COL4A3: variants seen among roughly 807,000 people sequenced by gnomAD.
COL4A3 encodes the protein collagen alpha-3(IV) chain.
Under a neutral mutation model 217.4 loss-of-function variants are expected in COL4A3, and 135 were observed. That is an observed-to-expected ratio of 0.62 (90% CI 0.54 to 0.72). COL4A3 has a LOEUF of 0.72. COL4A3 is among the 30% of genes least tolerant of loss of function. The pLI, the probability that COL4A3 is intolerant of heterozygous loss-of-function variation, is 0.00. For missense variants in COL4A3, 1,868 were observed against 2,119.9 expected, an observed-to-expected ratio of 0.88 and a Z score of 2.33; for synonymous variants, 690 against 736.3, an observed-to-expected ratio of 0.94 and a Z score of 1.02.
chr2:227,284,182 G>T (rs762631750), intron 33 of COL4A3, 29 bp from the exon 34 acceptor site: 4 of 1,613,832 alleles, frequency 2.5e-6, no homozygotes, highest in South Asian at 1.1e-5. Flanking sequence ...AAGAATTAAG[G>T]ACCTGATGTT....
Position 227,253,747 on chromosome 2 carries a change from C to A in COL4A3, c.765+109C>A. 1 of 972,092 alleles carries A rather than the reference C, an allele frequency of 1.0e-6. No homozygotes were observed. Among genetic ancestry groups the A allele is most frequent in the Non-Finnish European group, 1.7e-6 (1 of 597,436 alleles). The allele number at this position is 972,092 out of a possible 1,614,324, so 60.2% of individuals were successfully genotyped here. A position where few individuals can be genotyped will look rare whatever the true frequency, so the allele number is the denominator to read the frequency against. On this transcript the variant is annotated intron_variant, in intron 13 of 51. Transcript: ENST00000396578. The surrounding 1 kb of genome is among the most constrained non-coding windows in gnomAD (Gnocchi z 4.4). The stretch of plus-strand genomic sequence containing the variant: ...TCTTGTTATCTAAGTCCAGCTCAGC[C>A]CAGCTCCCTCAGCCAGCCAGAACCT...
intron 37 of COL4A3, among the ~76,000 whole-genome samples, chr2:227,291,517 C>A (rs1363545563): frequency 1.6e-5 from 2 of 129,006 alleles, no homozygotes; most frequent in Non-Finnish European, 3.1e-5. Flanking sequence ...GAGCCGAGAT[C>A]GCGCCACTGC....
intron 27 of COL4A3, 120 bp from the exon 28 acceptor site, chr2:227,277,322 GAAAAAAA>G: frequency 7.3e-6 from 4 of 546,738 alleles, no homozygotes; most frequent in Non-Finnish European, 9.6e-6. Context: ...CCATCAACAG[GAAAAAAA>G]AAAAAAAAAA....
chr2:227,225,367 TTC>T (rs1427696049), intron 1 of COL4A3, among the ~76,000 whole-genome samples: 1 of 152,206 alleles, frequency 6.6e-6, no homozygotes, highest in Non-Finnish European at 1.5e-5. Context: ...GGTGGCAGCT[TTC>T]TGTCTTTTTT....
At chr2:227,252,132 G>A (rs2069789345) in intron 11 of COL4A3, among the ~76,000 whole-genome samples, 1 of 149,166 alleles carries the variant, frequency 6.7e-6, no homozygotes, top group Admixed American at 6.7e-5. Flanking sequence ...AATGTTGAGT[G>A]AGGCTGAGCC....
In COL4A3 at chr2:227,201,762, C is replaced by T. The variant is rs114088932; in HGVS notation, c.88-36206C>T. Among the ~76,000 whole-genome samples the T allele has an allele frequency of 3.9e-3, 593 of 152,268 alleles. 2 individuals are homozygous for T. Among genetic ancestry groups the T allele is most frequent in the Non-Finnish European group, 6.5e-3 (442 of 68,030 alleles). ...CATCTATGGGACTCAAGCATTGCAA[C>T]TGTATGTGTTTCTCCTATTGAAATT... On this transcript the variant is annotated intron_variant, in intron 1 of 51. Coordinates refer to ENST00000396578, the MANE Select transcript of COL4A3 (RefSeq NM_000091.5).
Position 227,263,850 on chromosome 2 carries a change from C to A in COL4A3, c.1221C>A (p.Gly407=). 6.2e-7 allele frequency: 1 copy of A among 1,614,134 alleles called. No homozygotes were observed. Among genetic ancestry groups the A allele is most frequent in the Non-Finnish European group, 8.5e-7 (1 of 1,179,986 alleles). Residue 407 remains glycine (G), a synonymous_variant, in exon 21 of 52, where the codon GGC becomes GGA. Coordinates refer to ENST00000396578, the MANE Select transcript of COL4A3 (RefSeq NM_000091.5). The stretch of plus-strand genomic sequence containing the variant: ...TGAAAGGAAGTAAAGGGGAACGAGG[C>A]CGCCCAGGAAAGGATGCCATGGGGA... ...PGLKGSKGER[G]RPGKDAMGTP...
chr2:227,186,831 C>T (rs1052715825), intron 1 of COL4A3, among the ~76,000 whole-genome samples: 4 of 152,152 alleles, frequency 2.6e-5, no homozygotes, highest in Non-Finnish European at 4.4e-5. Flanking sequence ...ACATTTATTT[C>T]TCACAATTCT....
chr2:227,265,623 T>A (rs1172771846), intron 21 of COL4A3, among the ~76,000 whole-genome samples: 2 of 152,306 alleles, frequency 1.3e-5, no homozygotes, highest in East Asian at 3.9e-4. Context: ...AGAAAACAGA[T>A]GATACCCTGA....
rs201031218 is a variant in COL4A3, at chr2:227,191,284, AT to A, written c.87+26481del. ...TCCTCGTACACATTCCCAGAAATGG[AT>A]TTTTTTTTTGTAAAGGACGCAAAAG... is the stretch of plus-strand genomic sequence containing the variant. On this transcript the variant is annotated intron_variant, in intron 1 of 51. Coordinates refer to ENST00000396578, the MANE Select transcript of COL4A3 (RefSeq NM_000091.5). The surrounding 1 kb of genome is among the most constrained non-coding windows in gnomAD (Gnocchi z 6.8). Among the ~76,000 whole-genome samples, 10 of 150,126 alleles carry A rather than the reference AT, an allele frequency of 6.7e-5. No individual in the cohort carries two copies. Among genetic ancestry groups the A allele is most frequent in the African/African-American group, 1.5e-4 (6 of 41,036 alleles).
chr2:227,292,688 T>C (rs2072815296), intron 37 of COL4A3, among the ~76,000 whole-genome samples: 1 of 152,236 alleles, frequency 6.6e-6, no homozygotes, highest in Admixed American at 6.5e-5. Context: ...ATGCATAGCA[T>C]TTGTAGGATA....
At chr2:227,247,431 C>T in intron 7 of COL4A3, 127 bp from the exon 8 acceptor site, 3 of 862,394 alleles carry the variant, frequency 3.5e-6, no homozygotes, top group Non-Finnish European at 6.0e-6. Context: ...GAAGACTTTG[C>T]TTTGTAAGGC....
intron 26 of COL4A3, among the ~76,000 whole-genome samples, chr2:227,273,788 G>T (rs1362026974): frequency 1.3e-5 from 2 of 152,140 alleles, no homozygotes; most frequent in Non-Finnish European, 2.9e-5. Context: ...ACAAATGAAG[G>T]AAAATGGTCT....
Position 227,266,983 on chromosome 2 carries a change from C to G in COL4A3, c.1409-10C>G, listed in dbSNP as rs767646514. On this transcript the variant is annotated splice_polypyrimidine_tract_variant and intron_variant, in intron 22 of 51. Coordinates refer to ENST00000396578, the MANE Select transcript of COL4A3 (RefSeq NM_000091.5). ...GCTTTTTAAGTAATGCTAGTATGCT[C>G]TCATTGCAGGAGAACCAGGCCTCCT... 6.3e-7 allele frequency: 1 copy of G among 1,596,852 alleles called. No homozygotes were observed. The highest frequency in any genetic ancestry group is 1.1e-5 in the South Asian group (1 of 90,694).
intron 43 of COL4A3, among the ~76,000 whole-genome samples, chr2:227,302,664 G>A (rs1162711001): frequency 4.3e-5 from 3 of 70,276 alleles, no homozygotes; most frequent in African/African-American, 2.1e-4. Context: ...AGGACAAAAC[G>A]AGACTCTTTC....
chr2:227,249,234 T>A (rs866312147), intron 9 of COL4A3, among the ~76,000 whole-genome samples: 37 of 25,770 alleles, frequency 1.4e-3, no homozygotes, highest in South Asian at 4.3e-3. Flanking sequence ...ATATATATTT[T>A]TTTTTTTTTT....
chr2:227,219,232 C>T (rs2067660087), intron 1 of COL4A3, among the ~76,000 whole-genome samples: 2 of 152,106 alleles, frequency 1.3e-5, no homozygotes, highest in African/African-American at 4.8e-5. Flanking sequence ...AACTCCCAAA[C>T]TCAGGTGATC....
In COL4A3 at chr2:227,314,555, A is replaced by G. The variant is rs2073841023; in HGVS notation, c.*2685A>G. Reference sequence around the variant, plus strand: ...TTTATGAAAGTATTAAAATGCTTACATTTGAACTTGATGGCTAACTTACAA... The same window carrying G: ...TTTATGAAAGTATTAAAATGCTTACGTTTGAACTTGATGGCTAACTTACAA... On this transcript the variant is annotated 3_prime_UTR_variant, in exon 52 of 52. Coordinates refer to ENST00000396578, the MANE Select transcript of COL4A3 (RefSeq NM_000091.5). 6.6e-6 allele frequency: 1 copy of G among 152,628 alleles called. No homozygotes were observed. Among genetic ancestry groups the G allele is most frequent in the Non-Finnish European group, 1.5e-5 (1 of 68,034 alleles). The allele number at this position is 152,628 out of a possible 1,614,324, so 9.5% of individuals were successfully genotyped here. A position where few individuals can be genotyped will look rare whatever the true frequency, so the allele number is the denominator to read the frequency against.
At chr2:227,310,488 G>A (rs1008838355) in intron 50 of COL4A3, among the ~76,000 whole-genome samples, 1 of 152,094 alleles carries the variant, frequency 6.6e-6, no homozygotes. Flanking sequence ...GCTACTTTTT[G>A]TATTTTTAGT....
Sources: allele counts gnomAD v4.1 joint callset (sites outside exome capture counted in the v4.1 genomes callset), GRCh38; gene constraint gnomAD v4.1.1; non-coding constraint Gnocchi (gnomAD v3.1); transcripts MANE v1.5; gene names NCBI Gene and HGNC (gene_info 2026-07-23, HGNC 2026-07-21).